Variants in ST7L observed in about 807,000 individuals in gnomAD.
The protein encoded by ST7L is suppression of tumorigenicity 7 like.
Under a neutral mutation model 72.5 loss-of-function variants are expected in ST7L, and 57 were observed. The observed-to-expected ratio is 0.79, with a 90% CI of 0.64 to 0.98. The LOEUF (loss-of-function observed/expected upper bound fraction) is 0.98, where lower values mean the gene tolerates loss of function less well. ST7L is among the 50% of genes least tolerant of loss of function. The probability of loss-of-function intolerance (pLI) is 0.00; values close to 1 mark genes in which losing one functional copy is unlikely to be tolerated. For synonymous variants in ST7L, 221 were observed against 240.9 expected, an observed-to-expected ratio of 0.92 and a Z score of 0.77; for missense variants, 576 against 672.2, an observed-to-expected ratio of 0.86 and a Z score of 1.58.
In ST7L at chr1:112,605,963, T is replaced by C. The variant is rs191058920; in HGVS notation, c.451+4878A>G. On this transcript the variant is annotated intron_variant, in intron 3 of 14. Transcript: ENST00000358039. Reference sequence around the variant, plus strand: ...CTTTGAAGTCAATACATGTTGACAATTGAACAGCTCTATGGTCTGGTCCTG... The same window carrying C: ...CTTTGAAGTCAATACATGTTGACAACTGAACAGCTCTATGGTCTGGTCCTG... Among the ~76,000 whole-genome samples, 620 of 152,366 alleles carry C rather than the reference T, an allele frequency of 4.1e-3. 2 individuals carry two copies. The highest frequency in any genetic ancestry group is 7.0e-3 in the Non-Finnish European group (475 of 68,034).
chr1:112,603,199 T>C lies in ST7L; in HGVS notation c.452-2351A>G, dbSNP rs558976891. ...GACTTTTCTGTGAGAATGGTGATGA[T>C]ATTAACAAGTGAGTTTTTTCGTATT... On this transcript the variant is annotated intron_variant, in intron 3 of 14. Transcript: ENST00000358039. Among the ~76,000 whole-genome samples the C allele has an allele frequency of 2.2e-4, 33 of 152,308 alleles. No individual in the cohort carries two copies. The South Asian group carries it at 3.3e-3, about 15-fold the overall frequency.
chr1:112,568,889 A>AT (rs1553247624), intron 11 of ST7L, among the ~76,000 whole-genome samples: 9 of 115,600 alleles, frequency 7.8e-5, no homozygotes, highest in African/African-American at 2.7e-4. Flanking sequence ...TATATATATA[A>AT]AACAAAAATT....
intron 4 of ST7L, among the ~76,000 whole-genome samples, chr1:112,599,361 G>A (rs1181021498): frequency 6.6e-6 from 1 of 151,916 alleles, no homozygotes; most frequent in Non-Finnish European, 1.5e-5. Flanking sequence ...AAGCATAGGA[G>A]TTATTGCTTA....
rs1211948511 is a variant in ST7L, at chr1:112,619,099, G to A, written c.15C>T (p.Gly5=). MADR[G]GVGEAAAVGA... ...CAACAGCTGCGGCTTCACCCACGCC[G>A]CCACGGTCCGCCATCTTGCCGCTAT... The change falls in exon 1 of 15, where the codon GGC becomes GGT. Residue 5 remains glycine, a synonymous_variant. Coordinates refer to ENST00000358039, the MANE Select transcript of ST7L (RefSeq NM_017744.5). 1 of 1,613,352 alleles carries A rather than the reference G, an allele frequency of 6.2e-7. No homozygotes were observed. The highest frequency in any genetic ancestry group is 8.5e-7 in the Non-Finnish European group (1 of 1,179,880).
downstream of ST7L, chr1:112,522,258 G>C (rs910644900): frequency 6.6e-6 from 1 of 152,148 alleles, no homozygotes; most frequent in Non-Finnish European, 1.5e-5. Context: ...TTGAATTCTT[G>C]GTCTCAAGCA....
chr1:112,597,272 CAGAT>C (rs888420157), intron 5 of ST7L, among the ~76,000 whole-genome samples: 38 of 152,262 alleles, frequency 2.5e-4, no homozygotes, highest in African/African-American at 9.1e-4. Flanking sequence ...AGTAACTCAT[CAGAT>C]AGATAAGGAG....
At chr1:112,613,727 GTTGTTGTTGTT>G (rs1317979124) in intron 2 of ST7L, among the ~76,000 whole-genome samples, 1 of 151,756 alleles carries the variant, frequency 6.6e-6, no homozygotes, top group Non-Finnish European at 1.5e-5. Context: ...TTGGGTTTTT[GTTGTTGTTGTT>G]TTGTTGTTGA....
rs903059857 is a variant in ST7L at position 112,596,476 on chromosome 1, A to C, written c.622+1495T>G. 3.3e-5 allele frequency among the ~76,000 whole-genome samples: 5 copies of C among 152,330 alleles called. No individual in the cohort carries two copies. In the East Asian group the frequency reaches 9.6e-4, roughly 29 times the overall value. On this transcript the variant is annotated intron_variant, in intron 5 of 14. Transcript: ENST00000358039. ...CCTTTGCTTCGGTTTCTTTATTGTTAAAATGGGGCTGATAATACCACCTAT... is the reference window on the plus strand; with the variant it reads ...CCTTTGCTTCGGTTTCTTTATTGTTCAAATGGGGCTGATAATACCACCTAT...
At chr1:112,556,965 TCAAAAAAAAAAAAAAAAAA>T (rs1282239482) in intron 11 of ST7L, among the ~76,000 whole-genome samples, 2 of 13,294 alleles carry the variant, frequency 1.5e-4, no homozygotes, top group South Asian at 1.8e-3. Flanking sequence ...AGACTCTGTC[TCAAAAAAAAAAAAAAAAAA>T]CAAAAAAAAA....
intron 1 of ST7L, chr1:112,618,359 T>C (rs1194589178): frequency 6.9e-6 from 5 of 729,670 alleles, no homozygotes; most frequent in African/African-American, 1.9e-5. Flanking sequence ...ATTTTATTAC[T>C]CAAGATAAGC....
intron 7 of ST7L, among the ~76,000 whole-genome samples, chr1:112,582,763 G>T (rs1314302684): frequency 6.6e-6 from 1 of 152,068 alleles, no homozygotes; most frequent in East Asian, 1.9e-4. Context: ...ATTCGTGTAT[G>T]ATTGACAAGT....
intron 6 of ST7L, among the ~76,000 whole-genome samples, chr1:112,590,929 C>CTTT (rs146691818): frequency 1.7e-4 from 22 of 128,666 alleles, no homozygotes; most frequent in African/African-American, 4.2e-4. Flanking sequence ...TTTTAGTACC[C>CTTT]TTTTTTTTTT....
rs186627780 is a variant in ST7L at position 112,586,556 on chromosome 1, T to C, written c.702-2430A>G. ...AGTTTTTAAAAGACCTAGATGGGTA[T>C]AAATCAAAATATAAACATAATTATA... is the stretch of plus-strand genomic sequence containing the variant. On this transcript the variant is annotated intron_variant, in intron 6 of 14. Transcript: ENST00000358039. Among the ~76,000 whole-genome samples the C allele has an allele frequency of 1.3e-3, 194 of 152,322 alleles. 1 individual carries two copies. The highest frequency in any genetic ancestry group is 2.3e-3 in the Admixed American group (35 of 15,298).
chr1:112,519,872 C>CTTTT (rs71081244), downstream of ST7L, among the ~76,000 whole-genome samples: 7 of 115,636 alleles, frequency 6.1e-5, no homozygotes, highest in Admixed American at 9.6e-5. Context: ...GCCCATGCTT[C>CTTTT]TTTTTTTTTT....
chr1:112,605,530 A>G (rs570266724), intron 3 of ST7L, among the ~76,000 whole-genome samples: 2 of 150,610 alleles, frequency 1.3e-5, no homozygotes, highest in African/African-American at 4.9e-5. Context: ...GTCTCTACTA[A>G]AAATACAAAA....
At chr1:112,598,319 G>A (rs1284740486) in intron 4 of ST7L, among the ~76,000 whole-genome samples, 3 of 151,974 alleles carry the variant, frequency 2.0e-5, no homozygotes, top group Non-Finnish European at 4.4e-5. Context: ...AATTGAATTG[G>A]GCCGGGTGCC....
Position 112,570,545 on chromosome 1 carries a change from GTATATATATATA to G in ST7L, c.1245+6429_1245+6440del, listed in dbSNP as rs71584748. Reference sequence around the variant, plus strand: ...TAATAAATTTGTGAGAATAAAAGATGTATATATATATATATATATATATATACACACACACAT... The same window carrying G: ...TAATAAATTTGTGAGAATAAAAGATGTATATATATATATACACACACACAT... On this transcript the variant is annotated intron_variant, in intron 11 of 14. Transcript: ENST00000358039. 3.8e-5 allele frequency among the ~76,000 whole-genome samples: 5 copies of G among 130,860 alleles called. 1 individual carries two copies. In the East Asian group the frequency reaches 7.8e-4, roughly 20 times the overall value. 85.8% of individuals were successfully genotyped at this position (130,860 alleles called of 152,430 possible).
At chr1:112,568,405 C>T (rs1262644705) in intron 11 of ST7L, among the ~76,000 whole-genome samples, 1 of 142,512 alleles carries the variant, frequency 7.0e-6, no homozygotes, top group African/African-American at 2.7e-5. Flanking sequence ...GGCATGATCT[C>T]GGCTCACTGC....
At chr1:112,614,557 C>G (rs1489922015) in intron 2 of ST7L, among the ~76,000 whole-genome samples, 1 of 152,070 alleles carries the variant, frequency 6.6e-6, no homozygotes, top group African/African-American at 2.4e-5. Flanking sequence ...TGGCATTTCA[C>G]TTTAACAAAA....
Sources: allele counts gnomAD v4.1 joint callset (sites outside exome capture counted in the v4.1 genomes callset), GRCh38; gene constraint gnomAD v4.1.1; transcripts MANE v1.5; gene names NCBI Gene and HGNC (gene_info 2026-07-23, HGNC 2026-07-21).